YAP1: variants seen among roughly 807,000 people sequenced by gnomAD.
YAP1 encodes the protein Yes1 associated transcriptional regulator.
In YAP1, 5 loss-of-function variants were observed where a neutral mutation model predicts 56.9. The observed-to-expected ratio is 0.09, with a 90% CI of 0.05 to 0.18. YAP1 has a LOEUF of 0.18. Ranked by LOEUF, YAP1 falls within the 10% of genes least tolerant of loss-of-function variation. The pLI is 1.00. For synonymous variants in YAP1, 265 were observed against 248.1 expected (o/e 1.07, Z -0.64); for missense variants, 539 against 651.8 (o/e 0.83, Z 1.88).
At chr11:102,179,191 T>C (rs1392725532) in intron 3 of YAP1, among the ~76,000 whole-genome samples, 4 of 152,200 alleles carry the variant, frequency 2.6e-5, no homozygotes, top group African/African-American at 9.6e-5. Context: ...GTTTCTCTCT[T>C]CCTTTTTGCT....
chr11:102,119,627 A>C (rs1943527343), intron 2 of YAP1, among the ~76,000 whole-genome samples: 1 of 144,892 alleles, frequency 6.9e-6, no homozygotes, highest in South Asian at 2.1e-4. Flanking sequence ...ATAGCATTTA[A>C]ATAGTTGAAA....
intron 6 of YAP1, among the ~76,000 whole-genome samples, chr11:102,219,641 G>A (rs1372960601): frequency 6.6e-6 from 1 of 151,994 alleles, no homozygotes; most frequent in African/African-American, 2.4e-5. Context: ...AAGACTGCAA[G>A]AAAAGTTAAA....
At chr11:102,168,913 G>C (rs1359371261) in intron 3 of YAP1, among the ~76,000 whole-genome samples, 1 of 152,226 alleles carries the variant, frequency 6.6e-6, no homozygotes, top group Non-Finnish European at 1.5e-5. Context: ...AGAGGGTAAA[G>C]ATGTGAGAAG....
chr11:102,201,517 T>A (rs1948859681), intron 4 of YAP1, among the ~76,000 whole-genome samples: 1 of 152,222 alleles, frequency 6.6e-6, no homozygotes, highest in Non-Finnish European at 1.5e-5. Context: ...AAGAATAATT[T>A]CAGGTGACTT....
chr11:102,163,326 A>G (rs1216406824), intron 3 of YAP1, among the ~76,000 whole-genome samples: 1 of 152,196 alleles, frequency 6.6e-6, no homozygotes, highest in African/African-American at 2.4e-5. Context: ...AGTAGGTACT[A>G]AGTGAAAGTT....
intron 3 of YAP1, among the ~76,000 whole-genome samples, chr11:102,169,285 A>G (rs1048222109): frequency 2.0e-5 from 3 of 152,216 alleles, no homozygotes; most frequent in African/African-American, 7.2e-5. Context: ...GATATTTTAG[A>G]ATTTAATCAG....
chr11:102,214,468 A>G (rs896923768), intron 6 of YAP1, among the ~76,000 whole-genome samples: 1 of 152,216 alleles, frequency 6.6e-6, no homozygotes, highest in African/African-American at 2.4e-5. Context: ...GTTCAGAGCT[A>G]TATGAAAACA....
chr11:102,187,941 A>G (rs953865259), intron 4 of YAP1, among the ~76,000 whole-genome samples: 8 of 152,218 alleles, frequency 5.3e-5, no homozygotes, highest in Admixed American at 1.3e-4. Context: ...AGGCTTGACA[A>G]TATGCCAGAG....
intron 4 of YAP1, among the ~76,000 whole-genome samples, chr11:102,188,247 T>C (rs915681583): frequency 2.0e-5 from 3 of 152,202 alleles, no homozygotes; most frequent in African/African-American, 7.2e-5. Flanking sequence ...TTCATGATTG[T>C]GGAGTTTGCT....
chr11:102,221,347 A>G (rs1303960881), intron 6 of YAP1, among the ~76,000 whole-genome samples: 1 of 152,178 alleles, frequency 6.6e-6, no homozygotes, highest in Admixed American at 6.5e-5. Flanking sequence ...CAGGATTGAA[A>G]AGAAAAGGAA....
intron 2 of YAP1, among the ~76,000 whole-genome samples, chr11:102,123,043 TA>T (rs1245253433): frequency 1.3e-5 from 2 of 152,170 alleles, no homozygotes; most frequent in Non-Finnish European, 2.9e-5. Context: ...TCCATATTTA[TA>T]AAATGTGTTA....
At chr11:102,143,366 A>T (rs560479679) in intron 2 of YAP1, among the ~76,000 whole-genome samples, 1 of 152,192 alleles carries the variant, frequency 6.6e-6, no homozygotes, top group Non-Finnish European at 1.5e-5. Flanking sequence ...TGATGTATCC[A>T]TCCACTTACC....
intron 3 of YAP1, among the ~76,000 whole-genome samples, chr11:102,182,894 A>G (rs1319746321): frequency 6.6e-6 from 1 of 152,242 alleles, no homozygotes; most frequent in East Asian, 1.9e-4. Flanking sequence ...ATGTGTTGGT[A>G]TAAATGTTAA....
intron 3 of YAP1, among the ~76,000 whole-genome samples, chr11:102,181,542 G>A (rs535918021): frequency 9.2e-5 from 14 of 152,004 alleles, no homozygotes; most frequent in African/African-American, 3.4e-4. Flanking sequence ...TTTCTATCTG[G>A]TCATTAAGGA....
chr11:102,215,594 A>G (rs181421455), intron 6 of YAP1, among the ~76,000 whole-genome samples: 51 of 152,154 alleles, frequency 3.4e-4, no homozygotes, highest in African/African-American at 1.1e-3. Flanking sequence ...TCCTGCCTCA[A>G]CCTCCCAAGT....
At chr11:102,213,530 A>G (rs930537099) in intron 6 of YAP1, among the ~76,000 whole-genome samples, 2 of 152,134 alleles carry the variant, frequency 1.3e-5, no homozygotes, top group African/African-American at 4.8e-5. Flanking sequence ...GGGGTTCCCT[A>G]GTACCTATGA....
chr11:102,191,036 G>A (rs1476564895), intron 4 of YAP1, among the ~76,000 whole-genome samples: 1 of 151,930 alleles, frequency 6.6e-6, no homozygotes, highest in African/African-American at 2.4e-5. Context: ...TAGCTGGGCT[G>A]GTGGCACGCA....
intron 1 of YAP1, among the ~76,000 whole-genome samples, chr11:102,111,818 CCCCCCTCCCGTTTCCCCT>C (rs1333591414): frequency 2.0e-5 from 3 of 151,948 alleles, no homozygotes; most frequent in African/African-American, 4.8e-5. Context: ...TTCTTTCCTT[CCCCCCTCCCGTTTCCCCT>C]CCCCCTCCCG....
intron 2 of YAP1, among the ~76,000 whole-genome samples, chr11:102,137,951 T>C (rs1280249286): frequency 1.3e-5 from 2 of 152,090 alleles, no homozygotes; most frequent in African/African-American, 4.8e-5. Flanking sequence ...GTTGTGGTGC[T>C]ATCTCAGCTC....
Sources: gnomAD v4.1 joint callset for allele counts (sites outside exome capture counted in the v4.1 genomes callset) on GRCh38, gnomAD v4.1.1 for gene constraint, MANE v1.5 for transcripts, NCBI Gene and HGNC (gene_info 2026-07-23, HGNC 2026-07-21) for gene names.